The following MYRIP variants were observed in gnomAD, a reference collection of about 807,000 sequenced individuals.
MYRIP encodes the protein myosin VIIA and Rab interacting protein.
Under a neutral mutation model 98.0 loss-of-function variants are expected in MYRIP, and 49 were observed. The ratio of observed to expected loss-of-function variants is 0.50; its 90% confidence interval spans 0.40 to 0.63. MYRIP has a LOEUF of 0.63. Among genes scored for constraint, MYRIP ranks in the 30% least tolerant of loss-of-function variants. The probability of loss-of-function intolerance (pLI) is 0.00; values close to 1 mark genes in which losing one functional copy is unlikely to be tolerated. For missense variants in MYRIP, 1,004 were observed against 1,058.2 expected, an observed-to-expected ratio of 0.95 and a Z score of 0.71; for synonymous variants, 404 against 409.5, an observed-to-expected ratio of 0.99 and a Z score of 0.16.
intron 2 of MYRIP, among the ~76,000 whole-genome samples, chr3:39,962,890 A>G (rs17067457): frequency 0.017 from 2,606 of 152,252 alleles, 69 homozygotes; most frequent in African/African-American, 0.058. Context: ...TTTCTGTGTT[A>G]TAGAGCAGTA....
At chr3:40,120,953 A>T (rs778928564) in intron 3 of MYRIP, among the ~76,000 whole-genome samples, 10 of 152,108 alleles carry the variant, frequency 6.6e-5, no homozygotes, top group Middle Eastern at 3.2e-3. Flanking sequence ...AGTCCTGACA[A>T]CTGCTTGGCT....
At chr3:39,883,952 A>G (rs1316778092) in intron 1 of MYRIP, among the ~76,000 whole-genome samples, 1 of 152,114 alleles carries the variant, frequency 6.6e-6, no homozygotes, top group Non-Finnish European at 1.5e-5. Flanking sequence ...AAGCTGATGA[A>G]AGTTTATGAA....
chr3:40,205,608 T>C lies in MYRIP; in HGVS notation c.1666-4246T>C, dbSNP rs181180544. 2.0e-5 allele frequency among the ~76,000 whole-genome samples: 3 copies of C among 152,274 alleles called. No individual in the cohort carries two copies. The East Asian group carries it at 5.8e-4, about 29-fold the overall frequency. ...CAGATACAGACATTGCTCATAGTTA[T>C]CCAGTTTGCCCATAAGGAATTTCAT... On this transcript the variant is annotated intron_variant, in intron 10 of 16. Coordinates refer to ENST00000302541, the MANE Select transcript of MYRIP (RefSeq NM_015460.4).
At chr3:39,849,685 G>A (rs1290991168) in intron 1 of MYRIP, among the ~76,000 whole-genome samples, 1 of 152,174 alleles carries the variant, frequency 6.6e-6, no homozygotes, top group African/African-American at 2.4e-5. Context: ...CTTGGCAGTT[G>A]CTAGTCCTCG....
chr3:40,259,178 G>A lies in MYRIP; in HGVS notation c.*1012G>A, dbSNP rs1000474393. Reference sequence around the variant, plus strand: ...AAATTTATAGGTATAAAAAATTCAAGGACAAACTGTGCATTTAATGGACAC... The same window carrying A: ...AAATTTATAGGTATAAAAAATTCAAAGACAAACTGTGCATTTAATGGACAC... On this transcript the variant is annotated 3_prime_UTR_variant, in exon 17 of 17. Coordinates refer to ENST00000302541, the MANE Select transcript of MYRIP (RefSeq NM_015460.4). 1 of 152,152 alleles carries A rather than the reference G, an allele frequency of 6.6e-6. No homozygotes were observed. The highest frequency in any genetic ancestry group is 1.5e-5 in the Non-Finnish European group (1 of 68,022). 9.4% of individuals were successfully genotyped at this position (152,152 alleles called of 1,614,324 possible). A position where few individuals can be genotyped will look rare whatever the true frequency, so the allele number is the denominator to read the frequency against.
At chr3:39,959,487 C>T (rs936576481) in intron 2 of MYRIP, among the ~76,000 whole-genome samples, 54 of 152,002 alleles carry the variant, frequency 3.6e-4, no homozygotes, top group Admixed American at 1.4e-3. Flanking sequence ...AACACTTGGA[C>T]ACAGGGTGGG....
intron 3 of MYRIP, among the ~76,000 whole-genome samples, chr3:40,048,511 G>A (rs1947717907): frequency 6.6e-6 from 1 of 152,066 alleles, no homozygotes; most frequent in South Asian, 2.1e-4. Flanking sequence ...GCTGTCTATT[G>A]TACAGCTGTA....
At chr3:40,024,922 C>G (rs1300712543) in intron 2 of MYRIP, among the ~76,000 whole-genome samples, 1 of 152,162 alleles carries the variant, frequency 6.6e-6, no homozygotes, top group African/African-American at 2.4e-5. Flanking sequence ...TATGGGGCAG[C>G]TTTTACTTTT....
chr3:40,106,876 T>C (rs1949058657), intron 3 of MYRIP, among the ~76,000 whole-genome samples: 3 of 152,196 alleles, frequency 2.0e-5, no homozygotes, highest in Admixed American at 6.5e-5. Flanking sequence ...GTCCACTTGA[T>C]GCTTTCTGGC....
At chr3:39,904,002 C>T (rs561708101) in intron 2 of MYRIP, among the ~76,000 whole-genome samples, 40 of 152,170 alleles carry the variant, frequency 2.6e-4, no homozygotes, top group African/African-American at 8.9e-4. Flanking sequence ...AATCTTAAAC[C>T]GCTTAATTTT....
chr3:40,009,220 A>T (rs1426217537), intron 2 of MYRIP, among the ~76,000 whole-genome samples: 1 of 149,786 alleles, frequency 6.7e-6, no homozygotes, highest in East Asian at 2.0e-4. Flanking sequence ...CAGTGGAGGG[A>T]TGACAAACTG....
At chr3:39,823,958 T>C (rs1221849649) in intron 1 of MYRIP, among the ~76,000 whole-genome samples, 1 of 152,198 alleles carries the variant, frequency 6.6e-6, no homozygotes, top group Non-Finnish European at 1.5e-5. Flanking sequence ...ATTTCCCCTA[T>C]GTTTTTATCT....
chr3:40,225,912 A>G (rs1239489981), intron 11 of MYRIP, among the ~76,000 whole-genome samples: 2 of 152,096 alleles, frequency 1.3e-5, no homozygotes, highest in Admixed American at 6.5e-5. Flanking sequence ...GTGCTCAAAC[A>G]TGTCTTTAGA....
At chr3:40,196,431 A>G (rs757152050) in intron 10 of MYRIP, among the ~76,000 whole-genome samples, 3 of 152,136 alleles carry the variant, frequency 2.0e-5, no homozygotes, top group Non-Finnish European at 2.9e-5. Flanking sequence ...AACTTTTCCA[A>G]GTAATTGATC....
chr3:39,965,354 T>C (rs543778306), intron 2 of MYRIP, among the ~76,000 whole-genome samples: 2 of 152,272 alleles, frequency 1.3e-5, no homozygotes, highest in African/African-American at 4.8e-5. Flanking sequence ...GAACTAAGTG[T>C]GATTTTTCTC....
intron 3 of MYRIP, among the ~76,000 whole-genome samples, chr3:40,118,668 A>T (rs568784719): frequency 2.6e-5 from 4 of 151,300 alleles, no homozygotes; most frequent in Admixed American, 1.3e-4. Context: ...TTTGTTACGT[A>T]TGCATACATG....
At chr3:39,848,978 G>A (rs577869945) in intron 1 of MYRIP, among the ~76,000 whole-genome samples, 26 of 152,288 alleles carry the variant, frequency 1.7e-4, no homozygotes, top group South Asian at 1.0e-3. Flanking sequence ...CAGGAGTAAC[G>A]TATTTTGAAA....
At chr3:40,154,829 A>G (rs978352579) in intron 4 of MYRIP, among the ~76,000 whole-genome samples, 2 of 152,192 alleles carry the variant, frequency 1.3e-5, no homozygotes, top group African/African-American at 4.8e-5. Flanking sequence ...TCCTAAAAGA[A>G]GCACTACATG....
chr3:39,826,044 T>C (rs1306452542), intron 1 of MYRIP, among the ~76,000 whole-genome samples: 2 of 152,068 alleles, frequency 1.3e-5, no homozygotes, highest in Non-Finnish European at 2.9e-5. Flanking sequence ...TTGTTTCTGA[T>C]TTTATTTATT....
Sources: allele counts gnomAD v4.1 joint callset (sites outside exome capture counted in the v4.1 genomes callset), GRCh38; gene constraint gnomAD v4.1.1; transcripts MANE v1.5; gene names NCBI Gene and HGNC (gene_info 2026-07-23, HGNC 2026-07-21).